Variants in CACNG3 observed in about 807,000 individuals in gnomAD.
CACNG3 encodes calcium voltage-gated channel auxiliary subunit gamma 3.
A neutral mutation model predicts 28.5 loss-of-function variants in CACNG3; 3 were observed. The observed-to-expected ratio is 0.11, with a 90% CI of 0.05 to 0.27. The LOEUF (loss-of-function observed/expected upper bound fraction) is 0.27, where lower values mean the gene tolerates loss of function less well. CACNG3 is among the 10% of genes least tolerant of loss of function. The probability of loss-of-function intolerance (pLI) is 1.00; values close to 1 mark genes in which losing one functional copy is unlikely to be tolerated. For synonymous variants in CACNG3, 174 were observed against 162.2 expected (o/e 1.07, Z -0.55); for missense variants, 236 against 414.4 (o/e 0.57, Z 3.74).
rs919472162 is a variant in CACNG3, at chr16:24,328,609, A to C, written c.212-18125A>C. Among the ~76,000 whole-genome samples, 4 of 139,938 alleles carry C rather than the reference A, an allele frequency of 2.9e-5. No homozygotes were observed. In the South Asian group the frequency reaches 6.2e-4, roughly 22 times the overall value. The allele number at this position is 139,938 out of a possible 152,430, so 91.8% of individuals were successfully genotyped here. On this transcript the variant is annotated intron_variant, in intron 1 of 3. Coordinates refer to ENST00000005284, the MANE Select transcript of CACNG3 (RefSeq NM_006539.4). ...GAAAATAAACTAGGCAATAAATATAAACAAGATATTTCGCATACTCACGGA... is the reference window on the plus strand; with the variant it reads ...GAAAATAAACTAGGCAATAAATATACACAAGATATTTCGCATACTCACGGA...
intron 1 of CACNG3, among the ~76,000 whole-genome samples, chr16:24,322,373 A>G (rs1271057873): frequency 6.6e-6 from 1 of 152,150 alleles, no homozygotes; most frequent in African/African-American, 2.4e-5. Flanking sequence ...ACCTGCCACA[A>G]GCTGCCAAGA....
At chr16:24,274,728 A>G (rs551364926) in intron 1 of CACNG3, among the ~76,000 whole-genome samples, 1 of 152,212 alleles carries the variant, frequency 6.6e-6, no homozygotes, top group African/African-American at 2.4e-5. Flanking sequence ...GATGAGCTAC[A>G]TCGGGGAGCC....
intron 1 of CACNG3, among the ~76,000 whole-genome samples, chr16:24,318,822 G>A (rs1356015834): frequency 6.6e-6 from 1 of 152,106 alleles, no homozygotes; most frequent in Admixed American, 6.6e-5. Flanking sequence ...AGGGGTTGGG[G>A]GCTAACTAGT....
chr16:24,326,099 G>A (rs1328321642), intron 1 of CACNG3, among the ~76,000 whole-genome samples: 1 of 152,108 alleles, frequency 6.6e-6, no homozygotes, highest in African/African-American at 2.4e-5. Context: ...TGGGGGCTTG[G>A]CAACTGTAGC....
chr16:24,260,598 T>C (rs1211369965), intron 1 of CACNG3, among the ~76,000 whole-genome samples: 1 of 152,232 alleles, frequency 6.6e-6, no homozygotes, highest in African/African-American at 2.4e-5. Context: ...GTGGGTAGCC[T>C]GCTACTGGTA....
intron 2 of CACNG3, among the ~76,000 whole-genome samples, chr16:24,350,034 T>C (rs891435792): frequency 6.6e-6 from 1 of 150,974 alleles, no homozygotes; most frequent in African/African-American, 2.5e-5. Context: ...CTCCATATAG[T>C]TTGGGGGGAG....
At chr16:24,325,501 G>A (rs1175389938) in intron 1 of CACNG3, among the ~76,000 whole-genome samples, 1 of 152,192 alleles carries the variant, frequency 6.6e-6, no homozygotes, top group African/African-American at 2.4e-5. Flanking sequence ...CCCAGTGCTG[G>A]CGTACATCAG....
chr16:24,343,210 A>G (rs1899814523), intron 1 of CACNG3, among the ~76,000 whole-genome samples: 1 of 151,886 alleles, frequency 6.6e-6, no homozygotes, highest in East Asian at 1.9e-4. Context: ...AAACAACAAC[A>G]ACAAAACTAG....
chr16:24,294,801 G>C (rs1398024436), intron 1 of CACNG3, among the ~76,000 whole-genome samples: 1 of 152,218 alleles, frequency 6.6e-6, no homozygotes, highest in African/African-American at 2.4e-5. Context: ...TCTTGTGACA[G>C]TTTGTCTAGC....
chr16:24,310,565 A>AAAACAAACAAAC (rs113752473), intron 1 of CACNG3, among the ~76,000 whole-genome samples: 38 of 151,358 alleles, frequency 2.5e-4, no homozygotes, highest in Middle Eastern at 6.9e-3. Flanking sequence ...CTCCATCTCA[A>AAAACAAACAAAC]AAACAAACAA....
Position 24,335,753 on chromosome 16 carries a change from A to G in CACNG3, c.212-10981A>G, listed in dbSNP as rs1049571470. ...CCAAGGCCTGACAGAGCACATCTCAACAAACATGGATACTATGATGATTTC... is the reference window on the plus strand; with the variant it reads ...CCAAGGCCTGACAGAGCACATCTCAGCAAACATGGATACTATGATGATTTC... On this transcript the variant is annotated intron_variant, in intron 1 of 3. Transcript: ENST00000005284. Among the ~76,000 whole-genome samples, 6 of 152,226 alleles carry G rather than the reference A, an allele frequency of 3.9e-5. No individual in the cohort carries two copies. In the South Asian group the frequency reaches 1.2e-3, roughly 32 times the overall value.
rs1000964700 is a variant in CACNG3, at chr16:24,278,770, G to A, written c.211+21805G>A. On this transcript the variant is annotated intron_variant, in intron 1 of 3. Coordinates refer to ENST00000005284, the MANE Select transcript of CACNG3 (RefSeq NM_006539.4). Reference sequence around the variant, plus strand: ...AGATTAAAAACCTTAGGCACAGAGAGGTTAAGTAACTGGCCCAAGGTCACA... The same window carrying A: ...AGATTAAAAACCTTAGGCACAGAGAAGTTAAGTAACTGGCCCAAGGTCACA... Among the ~76,000 whole-genome samples, 5 of 152,278 alleles carry A rather than the reference G, an allele frequency of 3.3e-5. No individual in the cohort carries two copies. In the East Asian group the frequency reaches 5.8e-4, roughly 18 times the overall value.
At chr16:24,352,908 C>T (rs1238250681) in intron 2 of CACNG3, among the ~76,000 whole-genome samples, 1 of 152,196 alleles carries the variant, frequency 6.6e-6, no homozygotes, top group Non-Finnish European at 1.5e-5. Flanking sequence ...ACCCTTGGTT[C>T]CATGTTCTGC....
chr16:24,310,152 T>C (rs56912994), intron 1 of CACNG3, among the ~76,000 whole-genome samples: 3,812 of 152,150 alleles, frequency 0.025, 150 homozygotes, highest in African/African-American at 0.086. Context: ...GAAGAGAGAC[T>C]ATGCTTTGCA....
chr16:24,362,382 G>A lies in CACNG3; in HGVS notation c.*519G>A, dbSNP rs1201218582. The A allele has an allele frequency of 6.5e-6, 1 of 153,184 alleles. No homozygotes were observed. Among genetic ancestry groups the A allele is most frequent in the Non-Finnish European group, 1.5e-5 (1 of 68,466 alleles). The allele number at this position is 153,184 out of a possible 1,614,324, so 9.5% of individuals were successfully genotyped here. On this transcript the variant is annotated 3_prime_UTR_variant, in exon 4 of 4. Transcript: ENST00000005284. ...AGCAGCTAATGTAATAAGCACTCAT[G>A]TTATTAAAGGTTTTGCCTTGTCGTA...
At chr16:24,285,308 T>C (rs1898878459) in intron 1 of CACNG3, among the ~76,000 whole-genome samples, 1 of 152,162 alleles carries the variant, frequency 6.6e-6, no homozygotes, top group Admixed American at 6.5e-5. Flanking sequence ...CAAACACAGA[T>C]TGTTTAAGGT....
intron 1 of CACNG3, among the ~76,000 whole-genome samples, chr16:24,302,615 C>T (rs1899128361): frequency 6.7e-6 from 1 of 149,850 alleles, no homozygotes; most frequent in African/African-American, 2.5e-5. Flanking sequence ...CCACTATGCC[C>T]AGCTAAATTT....
intron 1 of CACNG3, among the ~76,000 whole-genome samples, chr16:24,315,078 C>A (rs1208072862): frequency 6.6e-6 from 1 of 152,170 alleles, no homozygotes; most frequent in African/African-American, 2.4e-5. Flanking sequence ...AATGACCAGC[C>A]AGTGGCTGGT....
chr16:24,336,294 C>T (rs558893817), intron 1 of CACNG3, among the ~76,000 whole-genome samples: 24 of 148,924 alleles, frequency 1.6e-4, no homozygotes, highest in African/African-American at 4.5e-4. Context: ...TTTTTTGAGA[C>T]GGAGTCTCGC....
Sources: allele counts gnomAD v4.1 joint callset (sites outside exome capture counted in the v4.1 genomes callset), GRCh38; gene constraint gnomAD v4.1.1; transcripts MANE v1.5; gene names NCBI Gene and HGNC (gene_info 2026-07-23, HGNC 2026-07-21).